Variants in RECQL5 observed in about 807,000 individuals in gnomAD.
RECQL5 encodes RecQ like helicase 5, also known as ATP-dependent DNA helicase Q5.
In RECQL5, 88 loss-of-function variants were observed where a neutral mutation model predicts 103.4. The observed-to-expected ratio is 0.85, with a 90% CI of 0.72 to 1.02. The LOEUF (loss-of-function observed/expected upper bound fraction) is 1.02. RECQL5 is among the 50% of genes least tolerant of loss of function. RECQL5 has a pLI of 0.00. For missense variants in RECQL5, 1,232 were observed against 1,284.3 expected (o/e 0.96, Z 0.62); for synonymous variants, 552 against 507.9 (o/e 1.09, Z -1.17).
intron 8 of RECQL5, chr17:75,650,862 T>C (rs2059546400): frequency 6.8e-7 from 1 of 1,466,152 alleles, no homozygotes; most frequent in Non-Finnish European, 9.0e-7. Context: ...TGGCACATGA[T>C]GACCACAAAG....
chr17:75,655,509 G>A lies in RECQL5; in HGVS notation c.1149+2789C>T, dbSNP rs1465782533. ...CTCCCGAGTAGCTGGGACTACAGGCGCCCGCCACGACGCCCAGCTAATATT... is the reference window on the plus strand; with the variant it reads ...CTCCCGAGTAGCTGGGACTACAGGCACCCGCCACGACGCCCAGCTAATATT... On this transcript the variant is annotated intron_variant, in intron 7 of 19. Transcript: ENST00000317905. Among the ~76,000 whole-genome samples, 11 of 151,976 alleles carry A rather than the reference G, an allele frequency of 7.2e-5. No individual in the cohort carries two copies. The South Asian group carries it at 8.3e-4, about 11-fold the overall frequency.
chr17:75,663,134 G>A (rs1423678970), intron 3 of RECQL5, 137 bp from the exon 4 acceptor site: 2 of 835,580 alleles, frequency 2.4e-6, no homozygotes, highest in African/African-American at 3.4e-5. Context: ...AGAAGTAGTA[G>A]AGGTTGAATA....
Position 75,629,077 on chromosome 17 carries a change from T to C in RECQL5, c.2346A>G (p.Pro782=). The change falls in exon 16 of 20, where the codon CCA becomes CCG. Residue 782 remains proline, a synonymous_variant. Coordinates refer to ENST00000317905, the MANE Select transcript of RECQL5 (RefSeq NM_004259.7). ...VESPALLASA[P]EAEGACPSCE... is the part of the protein sequence containing the mutation. Reference sequence around the variant, plus strand: ...AGGAGGGGCAGGCACCTTCTGCCTCTGGGGCTGATGCCAGCAGAGCTGGGC... The same window carrying C: ...AGGAGGGGCAGGCACCTTCTGCCTCCGGGGCTGATGCCAGCAGAGCTGGGC... 1 of 1,612,928 alleles carries C rather than the reference T, an allele frequency of 6.2e-7. No homozygotes were observed. The highest frequency in any genetic ancestry group is 1.3e-5 in the African/African-American group (1 of 75,044).
In RECQL5 at chr17:75,656,137, C is replaced by T. The variant is rs570184939; in HGVS notation, c.1149+2161G>A. On this transcript the variant is annotated intron_variant, in intron 7 of 19. Coordinates refer to ENST00000317905, the MANE Select transcript of RECQL5 (RefSeq NM_004259.7). ...TTGCCCAGGCTGGAATGCAATGGCG[C>T]GATCTCGGCTCACCACAACCTCCAC... Among the ~76,000 whole-genome samples, 11 of 152,240 alleles carry T rather than the reference C, an allele frequency of 7.2e-5. No homozygotes were observed. The South Asian group carries it at 2.1e-3, about 29-fold the overall frequency.
chr17:75,652,354 A>T (rs1730395115), intron 7 of RECQL5: 1 of 152,296 alleles, frequency 6.6e-6, no homozygotes, highest in Non-Finnish European at 1.5e-5. Flanking sequence ...GTTGGCACCC[A>T]AGGGGCCAGT....
At chr17:75,630,454 G>C in intron 13 of RECQL5, 165 bp downstream of exon 13, 1 of 889,400 alleles carries the variant, frequency 1.1e-6, no homozygotes, top group Non-Finnish European at 1.7e-6. Flanking sequence ...CACCTAAGTT[G>C]TAGCCATGCC....
chr17:75,643,170 T>C (rs981034497), intron 8 of RECQL5, among the ~76,000 whole-genome samples: 11 of 151,956 alleles, frequency 7.2e-5, no homozygotes, highest in African/African-American at 2.7e-4. Flanking sequence ...GGCTGGAGGG[T>C]CCCTGGAAGC....
At position 75,629,251 on chromosome 17, in the gene RECQL5, C is replaced by G. The variant is rs1157660773; in HGVS notation, c.2172G>C (p.Gly724=). The change falls in exon 16 of 20, where the codon GGG becomes GGC. Residue 724 remains glycine (G), a synonymous_variant. Transcript: ENST00000317905. The part of the protein sequence containing the change: ...GEVPGGSAHY[G]GPSPEKKAKS... ...TTGCCTTCTTCTCAGGGGAGGGCCC[C>G]CCATAGTGAGCGCTGCCTCCAGGGA... is the stretch of plus-strand genomic sequence containing the variant. 1 of 1,611,960 alleles carries G rather than the reference C, an allele frequency of 6.2e-7. No homozygotes were observed. Among genetic ancestry groups the G allele is most frequent in the South Asian group, 1.1e-5 (1 of 90,984 alleles).
At chr17:75,634,120 G>A (rs185961263) in intron 8 of RECQL5, 28,621 of 985,506 alleles carry the variant, frequency 0.029, 477 homozygotes, top group Non-Finnish European at 0.032. Flanking sequence ...GAGCAGCGGC[G>A]CCCACGAAGG....
Position 75,628,454 on chromosome 17 carries a change from C to G in RECQL5, c.2581-12G>C. 1 of 1,612,024 alleles carries G rather than the reference C, an allele frequency of 6.2e-7. No individual in the cohort carries two copies. Among genetic ancestry groups the G allele is most frequent in the African/African-American group, 1.3e-5 (1 of 75,008 alleles). On this transcript the variant is annotated splice_polypyrimidine_tract_variant and intron_variant, in intron 17 of 19. Coordinates refer to ENST00000317905, the MANE Select transcript of RECQL5 (RefSeq NM_004259.7). Reference sequence around the variant, plus strand: ...CTCTCTGGGTTCTCCTGAGAAGGGCCACAGCAGAGGGTCACTCCTGAGCTC... The same window carrying G: ...CTCTCTGGGTTCTCCTGAGAAGGGCGACAGCAGAGGGTCACTCCTGAGCTC...
In RECQL5 at chr17:75,662,732, T is replaced by C; in HGVS notation, c.518A>G (p.Tyr173Cys). 1 of 1,613,978 alleles carries C rather than the reference T, an allele frequency of 6.2e-7. No homozygotes were observed. Residue 173 changes from tyrosine to cysteine, a missense_variant, in exon 4 of 20, where the codon TAC (tyrosine) becomes TGC (cysteine). Physicochemically the swap from Tyr to Cys is radical, Grantham distance 194. Coordinates refer to ENST00000317905, the MANE Select transcript of RECQL5 (RefSeq NM_004259.7). ...SQWGHDFRPD[Y>C]LRLGALRSRL... Reference sequence around the variant, plus strand: ...GGAGCGCAGGGCACCCAGACGCAAGTAGTCAGGACGAAAGTCATGCCCCCA... The same window carrying C: ...GGAGCGCAGGGCACCCAGACGCAAGCAGTCAGGACGAAAGTCATGCCCCCA...
intron 18 of RECQL5, 33 bp from the exon 19 acceptor site, chr17:75,627,725 C>A: frequency 6.3e-7 from 1 of 1,578,402 alleles, no homozygotes; most frequent in South Asian, 1.1e-5. Context: ...AAGCAGAGAG[C>A]AGGACCCTTG....
intron 8 of RECQL5, chr17:75,649,825 G>C (rs1050713522): frequency 1.0e-6 from 1 of 985,314 alleles, no homozygotes; most frequent in African/African-American, 1.7e-5. Context: ...CCGTCACCTG[G>C]ACTCCTTGAG....
chr17:75,661,135 G>A, intron 5 of RECQL5, 69 bp from the exon 6 acceptor site: 2 of 1,193,116 alleles, frequency 1.7e-6, no homozygotes, highest in Non-Finnish European at 2.5e-6. Flanking sequence ...CCTATTTTGG[G>A]TTTGACACTG....
In RECQL5 at chr17:75,634,125, CGAAG is replaced by C. The variant is rs888473177; in HGVS notation, c.1230-2461_1230-2458del. ...GCGCCCAGGGGAGCAGCGGCGCCCACGAAGGAAGTACGAGGACAGCACGTGGAGG... is the reference window on the plus strand; with the variant it reads ...GCGCCCAGGGGAGCAGCGGCGCCCACGAAGTACGAGGACAGCACGTGGAGG... On this transcript the variant is annotated intron_variant, in intron 8 of 19. Coordinates refer to ENST00000317905, the MANE Select transcript of RECQL5 (RefSeq NM_004259.7). The C allele has an allele frequency of 1.0e-5, 10 of 985,496 alleles. No homozygotes were observed. In the African/African-American group the frequency reaches 1.0e-4, roughly 10 times the overall value. 61.0% of individuals were successfully genotyped at this position (985,496 alleles called of 1,614,324 possible). A position where few individuals can be genotyped will look rare whatever the true frequency, so the allele number is the denominator to read the frequency against.
intron 6 of RECQL5, among the ~76,000 whole-genome samples, chr17:75,660,034 T>C (rs2059678707): frequency 1.3e-5 from 2 of 152,158 alleles, no homozygotes; most frequent in African/African-American, 2.4e-5. Context: ...CATTACTTAA[T>C]GATGGGAATA....
intron 8 of RECQL5, among the ~76,000 whole-genome samples, chr17:75,634,925 C>T (rs1342031596): frequency 6.6e-6 from 1 of 152,308 alleles, no homozygotes; most frequent in East Asian, 1.9e-4. Context: ...CCGTGATGCA[C>T]AGGCTGACAT....
intron 3 of RECQL5, 81 bp from the exon 4 acceptor site, chr17:75,663,078 C>A: frequency 7.3e-7 from 1 of 1,371,660 alleles, no homozygotes; most frequent in South Asian, 1.4e-5. Flanking sequence ...ATTTCCCAGT[C>A]ATAAACTGTC....
chr17:75,631,765 G>T (rs1318243137), intron 8 of RECQL5, 97 bp from the exon 9 acceptor site: 4 of 1,284,378 alleles, frequency 3.1e-6, no homozygotes, highest in Middle Eastern at 2.6e-4. Flanking sequence ...GAGCACTGCC[G>T]CGTCCGGCAC....
Sources: gnomAD v4.1 joint callset for allele counts (sites outside exome capture counted in the v4.1 genomes callset) on GRCh38, gnomAD v4.1.1 for gene constraint, MANE v1.5 for transcripts, NCBI Gene and HGNC (gene_info 2026-07-23, HGNC 2026-07-21) for gene names.